REEP2: variants seen among roughly 807,000 people sequenced by gnomAD.
The protein encoded by REEP2 is receptor expression-enhancing protein 2.
In REEP2, 9 loss-of-function variants were observed where a neutral mutation model predicts 32.1. The ratio of observed to expected loss-of-function variants is 0.28; its 90% CI spans 0.17 to 0.49. The LOEUF is 0.49. REEP2 is among the 20% of genes least tolerant of loss of function. The pLI is 0.99. For synonymous variants in REEP2, 128 were observed against 139.1 expected, an observed-to-expected ratio of 0.92 and a Z score of 0.56; for missense variants, 236 against 338.0, an observed-to-expected ratio of 0.70 and a Z score of 2.37.
chr5:138,442,434 C>T (rs1050801292), intron 3 of REEP2, among the ~76,000 whole-genome samples: 2 of 152,114 alleles, frequency 1.3e-5, no homozygotes, highest in African/African-American at 4.8e-5. Context: ...GGGTAAAGGC[C>T]GGGTGTGGTG....
chr5:138,441,330 G>T lies in REEP2; in HGVS notation c.106-55G>T. On this transcript the variant is annotated intron_variant, in intron 2 of 7. Coordinates refer to ENST00000378339, the MANE Select transcript of REEP2 (RefSeq NM_001271803.2). This position sits in a 1 kb window ranked among gnomAD's most constrained non-coding sequence, Gnocchi z 4.4. ...TCAACAGGCAGAGCTGGGGTCCTGG[G>T]TGTCCCTGGCCCCTCAGCCCCGTGC... is the stretch of plus-strand genomic sequence containing the variant. The T allele has an allele frequency of 6.6e-7, 1 of 1,509,354 alleles. No individual in the cohort carries two copies. Among genetic ancestry groups the T allele is most frequent in the African/African-American group, 1.4e-5 (1 of 72,700 alleles). The allele number at this position is 1,509,354 out of a possible 1,614,324, so 93.5% of individuals were successfully genotyped here.
At chr5:138,444,294 G>C (rs1383004076) in intron 3 of REEP2, 121 bp from the exon 4 acceptor site, 19 of 1,220,154 alleles carry the variant, frequency 1.6e-5, no homozygotes, top group Non-Finnish European at 2.2e-5. Context: ...GAGCCCCATG[G>C]GGACCCCAGT....
At position 138,445,827 on chromosome 5, in the gene REEP2, C is replaced by G. The variant is rs1239265041; in HGVS notation, c.*76C>G. 10 of 1,420,144 alleles carry G rather than the reference C, an allele frequency of 7.0e-6. No homozygotes were observed. The highest frequency in any genetic ancestry group is 9.6e-6 in the Non-Finnish European group (10 of 1,038,904). 88.0% of individuals were successfully genotyped at this position (1,420,144 alleles called of 1,614,324 possible). ...CCTCAGACCCAGCCCCTGCTCCACA[C>G]TGTGCCAGTAGCCTAGGTGTCTCAG... On this transcript the variant is annotated 3_prime_UTR_variant, in exon 8 of 8. Coordinates refer to ENST00000378339, the MANE Select transcript of REEP2 (RefSeq NM_001271803.2).
Position 138,441,210 on chromosome 5 carries a change from C to A in REEP2, c.105+122C>A, listed in dbSNP as rs1324134607. Reference sequence around the variant, plus strand: ...ACTGTCAGCCACTAACAAGACCCACCAGCAAAGGAGGGCCCTGGGTGTCCC... The same window carrying A: ...ACTGTCAGCCACTAACAAGACCCACAAGCAAAGGAGGGCCCTGGGTGTCCC... On this transcript the variant is annotated intron_variant, in intron 2 of 7. Transcript: ENST00000378339. The surrounding 1 kb of genome is among the most constrained non-coding windows in gnomAD (Gnocchi z 4.4). 1 of 1,417,362 alleles carries A rather than the reference C, an allele frequency of 7.1e-7. No homozygotes were observed. Among genetic ancestry groups the A allele is most frequent in the Non-Finnish European group, 9.8e-7 (1 of 1,018,688 alleles). 87.8% of individuals were successfully genotyped at this position (1,417,362 alleles called of 1,614,324 possible).
chr5:138,445,039 G>C, intron 5 of REEP2, 172 bp downstream of exon 5: 1 of 791,060 alleles, frequency 1.3e-6, no homozygotes, highest in Non-Finnish European at 2.0e-6. Flanking sequence ...TGATTGTCCG[G>C]CCATTTCCCC....
chr5:138,446,285 G>A lies in REEP2; in HGVS notation c.*534G>A, dbSNP rs1763932429. On this transcript the variant is annotated 3_prime_UTR_variant, in exon 8 of 8. Transcript: ENST00000378339. ...AAGACAGGGATTGGCCTGTGCTTCA[G>A]CGACCAGGATGGCCAGGCCAGAGCT... 1 of 154,752 alleles carries A rather than the reference G, an allele frequency of 6.5e-6. No homozygotes were observed. The highest frequency in any genetic ancestry group is 6.3e-5 in the Admixed American group (1 of 15,774). 9.6% of individuals were successfully genotyped at this position (154,752 alleles called of 1,614,324 possible).
Position 138,441,107 on chromosome 5 carries a change from A to G in REEP2, c.105+19A>G. On this transcript the variant is annotated intron_variant, in intron 2 of 7. Coordinates refer to ENST00000378339, the MANE Select transcript of REEP2 (RefSeq NM_001271803.2). This position sits in a 1 kb window ranked among gnomAD's most constrained non-coding sequence, Gnocchi z 4.4. ...GGAATATGTGAGTGGATGACCCTTC[A>G]CCCCCTACCCAACCCACATGGCACA... is the stretch of plus-strand genomic sequence containing the variant. The G allele has an allele frequency of 1.2e-6, 2 of 1,612,848 alleles. No individual in the cohort carries two copies. The highest frequency in any genetic ancestry group is 1.7e-6 in the Non-Finnish European group (2 of 1,179,804).
In REEP2 at chr5:138,441,365, C is replaced by T. The variant is rs749530512; in HGVS notation, c.106-20C>T. Reference sequence around the variant, plus strand: ...CCCCTCAGCCCCGTGCCCCAGCCAGCGCTTCCCTCTGTCCCTCAGGTGAAA... The same window carrying T: ...CCCCTCAGCCCCGTGCCCCAGCCAGTGCTTCCCTCTGTCCCTCAGGTGAAA... On this transcript the variant is annotated intron_variant, in intron 2 of 7. Coordinates refer to ENST00000378339, the MANE Select transcript of REEP2 (RefSeq NM_001271803.2). The surrounding 1 kb of genome is among the most constrained non-coding windows in gnomAD (Gnocchi z 4.4). 14 of 1,611,832 alleles carry T rather than the reference C, an allele frequency of 8.7e-6. No homozygotes were observed. The highest frequency in any genetic ancestry group is 2.2e-5 in the East Asian group (1 of 44,868).
rs769280003 is a variant in REEP2, at chr5:138,439,183, C to A, written c.-26C>A. On this transcript the variant is annotated 5_prime_UTR_variant, in exon 1 of 8. Transcript: ENST00000378339. The stretch of plus-strand genomic sequence containing the variant: ...TGCATCCTCGGCCGGGCCGGGTCCC[C>A]GCCCCGCGCCGCGCCCGGCCCCGCC... 2.9e-6 allele frequency: 4 copies of A among 1,356,422 alleles called. No homozygotes were observed. The highest frequency in any genetic ancestry group is 3.8e-6 in the Non-Finnish European group (4 of 1,056,786). The allele number at this position is 1,356,422 out of a possible 1,614,324, so 84.0% of individuals were successfully genotyped here.
intron 3 of REEP2, among the ~76,000 whole-genome samples, chr5:138,442,884 G>C (rs1380384080): frequency 1.3e-5 from 2 of 151,620 alleles, no homozygotes; most frequent in Non-Finnish European, 2.9e-5. Context: ...AAAATAGCTA[G>C]GTATTATGGC....
At position 138,445,353 on chromosome 5, in the gene REEP2, C is replaced by T; in HGVS notation, c.543C>T (p.Leu181=). The T allele has an allele frequency of 6.2e-7, 1 of 1,613,186 alleles. No individual in the cohort carries two copies. Among genetic ancestry groups the T allele is most frequent in the Non-Finnish European group, 8.5e-7 (1 of 1,179,650 alleles). The change falls in exon 6 of 8, where the codon CTC becomes CTT. Residue 181 remains leucine (L), a synonymous_variant. Coordinates refer to ENST00000378339, the MANE Select transcript of REEP2 (RefSeq NM_001271803.2). The part of the protein sequence containing the change: ...DGRLRPSPGS[L]LDTIEDLGDD... ...GCCTCCGACCCAGCCCTGGCAGCCT[C>T]CTGGACACCATCGAGGACTTAGGTA...
At chr5:138,443,109 T>C (rs1283493431) in intron 3 of REEP2, among the ~76,000 whole-genome samples, 2 of 151,566 alleles carry the variant, frequency 1.3e-5, no homozygotes, top group Non-Finnish European at 2.9e-5. Flanking sequence ...GGCAGGAGGA[T>C]CACTTGAGCC....
In REEP2 at chr5:138,444,864, C is replaced by A. The variant is rs1385254412; in HGVS notation, c.414C>A (p.Ala138=). The A allele has an allele frequency of 6.2e-7, 1 of 1,610,206 alleles. No homozygotes were observed. The change falls in exon 5 of 8, where the codon GCC becomes GCA. Residue 138 remains alanine, a synonymous_variant. Coordinates refer to ENST00000378339, the MANE Select transcript of REEP2 (RefSeq NM_001271803.2). ...LAANAAVTAA[A]KGQGVLSEKL... Reference sequence around the variant, plus strand: ...CCAATGCTGCAGTCACAGCTGCCGCCAAGGTGAGATGGGGGCAGGCTCAGA... The same window carrying A: ...CCAATGCTGCAGTCACAGCTGCCGCAAAGGTGAGATGGGGGCAGGCTCAGA...
chr5:138,445,039 G>A, intron 5 of REEP2, 172 bp downstream of exon 5: 1 of 791,058 alleles, frequency 1.3e-6, no homozygotes, highest in Non-Finnish European at 2.0e-6. Flanking sequence ...TGATTGTCCG[G>A]CCATTTCCCC....
At chr5:138,440,600 C>T (rs568813870) in intron 1 of REEP2, among the ~76,000 whole-genome samples, 30 of 152,262 alleles carry the variant, frequency 2.0e-4, no homozygotes, top group African/African-American at 5.1e-4. Context: ...GTGTCAGGTT[C>T]CCTCGCAGAG....
rs1406853827 is a variant in REEP2 at position 138,446,732 on chromosome 5, C to T, written c.*981C>T. On this transcript the variant is annotated 3_prime_UTR_variant, in exon 8 of 8. Transcript: ENST00000378339. The stretch of plus-strand genomic sequence containing the variant: ...CCTCTGCCCCTGGGGTCCATCCCCT[C>T]TTGCCCAGGGTCCCCATCCTGTACC... 13 of 152,682 alleles carry T rather than the reference C, an allele frequency of 8.5e-5. No individual in the cohort carries two copies. Among genetic ancestry groups the T allele is most frequent in the African/African-American group, 2.4e-4 (10 of 41,450 alleles). The allele number at this position is 152,682 out of a possible 1,614,324, so 9.5% of individuals were successfully genotyped here.
intron 5 of REEP2, 74 bp from the exon 6 acceptor site, chr5:138,445,154 C>G: frequency 6.8e-7 from 1 of 1,480,846 alleles, no homozygotes. Context: ...GGGGCTGCTG[C>G]CAGCACCATG....
At chr5:138,444,340 G>A in intron 3 of REEP2, 75 bp from the exon 4 acceptor site, 5 of 1,555,044 alleles carry the variant, frequency 3.2e-6, no homozygotes, top group Non-Finnish European at 4.4e-6. Context: ...GGTCACACAT[G>A]GGGCCGGTGC....
chr5:138,444,841 A>C lies in REEP2; in HGVS notation c.391A>C (p.Asn131His). The C allele has an allele frequency of 6.2e-7, 1 of 1,613,524 alleles. No individual in the cohort carries two copies. Residue 131 changes from asparagine (N) to histidine (H), a missense_variant, in exon 5 of 8, where the codon AAT becomes CAT. Asn to His is a moderately conservative substitution (Grantham distance 68, BLOSUM62 1). Coordinates refer to ENST00000378339, the MANE Select transcript of REEP2 (RefSeq NM_001271803.2). ...VGKRGLNLAANAAVTAAAKGQ... is the reference protein window; with the variant it reads ...VGKRGLNLAAHAAVTAAAKGQ... ...CAAGAGGGGCCTGAACCTTGCCGCCAATGCTGCAGTCACAGCTGCCGCCAA... is the reference window on the plus strand; with the variant it reads ...CAAGAGGGGCCTGAACCTTGCCGCCCATGCTGCAGTCACAGCTGCCGCCAA...
Sources: gnomAD v4.1 joint callset for allele counts (sites outside exome capture counted in the v4.1 genomes callset) on GRCh38, gnomAD v4.1.1 for gene constraint, Gnocchi (gnomAD v3.1) non-coding constraint, MANE v1.5 for transcripts, NCBI Gene and HGNC (gene_info 2026-07-23, HGNC 2026-07-21) for gene names.